RORA: variants seen among roughly 807,000 people sequenced by gnomAD.
RORA encodes the protein nuclear receptor ROR-alpha.
A neutral mutation model predicts 69.5 loss-of-function variants in RORA; 7 were observed. The observed-to-expected ratio is 0.10, with a 90% CI of 0.06 to 0.19. RORA has a LOEUF of 0.19. Among genes scored for constraint, RORA ranks in the 10% least tolerant of loss-of-function variants. RORA has a pLI of 1.00. For synonymous variants in RORA, 261 were observed against 240.8 expected, an observed-to-expected ratio of 1.08 and a Z score of -0.78; for missense variants, 457 against 663.0, an observed-to-expected ratio of 0.69 and a Z score of 3.41.
At chr15:61,084,263 T>C (rs958008708) in intron 1 of RORA, among the ~76,000 whole-genome samples, 1 of 152,204 alleles carries the variant, frequency 6.6e-6, no homozygotes, top group Non-Finnish European at 1.5e-5. Flanking sequence ...CTAGATCCCA[T>C]TAACCATGCT....
chr15:60,624,879 C>A (rs1207182296), intron 2 of RORA, among the ~76,000 whole-genome samples: 1 of 151,896 alleles, frequency 6.6e-6, no homozygotes, highest in East Asian at 1.9e-4. Context: ...ATTAGCAACC[C>A]CAGTATCATT....
intron 1 of RORA, among the ~76,000 whole-genome samples, chr15:60,811,456 T>G (rs2072741828): frequency 6.6e-6 from 1 of 152,348 alleles, no homozygotes; most frequent in African/African-American, 2.4e-5. Flanking sequence ...ACTATTCTTT[T>G]TGGTCTGTGG....
At chr15:61,132,961 C>G (rs1405060433) in intron 1 of RORA, among the ~76,000 whole-genome samples, 1 of 152,166 alleles carries the variant, frequency 6.6e-6, no homozygotes, top group Non-Finnish European at 1.5e-5. Context: ...GTTGTGAAAT[C>G]TGGCGGTTAA....
At chr15:60,811,951 T>C (rs1233068474) in intron 1 of RORA, among the ~76,000 whole-genome samples, 1 of 152,212 alleles carries the variant, frequency 6.6e-6, no homozygotes, top group Non-Finnish European at 1.5e-5. Context: ...ATTTTAACGG[T>C]GAAATGGCAA....
At position 61,128,682 on chromosome 15, in the gene RORA, G is replaced by C. The variant is rs1010241635; in HGVS notation, c.166+100371C>G. On this transcript the variant is annotated intron_variant, in intron 1 of 10. Coordinates refer to ENST00000335670, the MANE Select transcript of RORA (RefSeq NM_134261.3). This position sits in a 1 kb window ranked among gnomAD's most constrained non-coding sequence, Gnocchi z 4.5. Reference sequence around the variant, plus strand: ...CCAACTGCCAGGGACACATATGAATGCTGTGATATCTGTCAGGGAAGGGGA... The same window carrying C: ...CCAACTGCCAGGGACACATATGAATCCTGTGATATCTGTCAGGGAAGGGGA... Among the ~76,000 whole-genome samples, 3 of 152,206 alleles carry C rather than the reference G, an allele frequency of 2.0e-5. No homozygotes were observed. The highest frequency in any genetic ancestry group is 7.2e-5 in the African/African-American group (3 of 41,458).
intron 1 of RORA, among the ~76,000 whole-genome samples, chr15:61,119,383 G>T (rs1427428507): frequency 4.9e-5 from 2 of 40,860 alleles, no homozygotes; most frequent in Non-Finnish European, 1.3e-4. Context: ...ATTTTTTTTT[G>T]TATATGTATA....
intron 1 of RORA, among the ~76,000 whole-genome samples, chr15:60,896,161 T>C (rs1484662660): frequency 6.6e-6 from 1 of 152,208 alleles, no homozygotes; most frequent in East Asian, 1.9e-4. Flanking sequence ...TGTAAGCACT[T>C]AGAGACACTC....
At chr15:60,836,373 C>G (rs1479155342) in intron 1 of RORA, among the ~76,000 whole-genome samples, 1 of 152,106 alleles carries the variant, frequency 6.6e-6, no homozygotes, top group Non-Finnish European at 1.5e-5. Flanking sequence ...GATGTAAATT[C>G]AAGGACACTG....
chr15:60,838,743 T>G (rs1034775937), intron 1 of RORA, among the ~76,000 whole-genome samples: 1 of 152,056 alleles, frequency 6.6e-6, no homozygotes, highest in African/African-American at 2.4e-5. Flanking sequence ...AAAACTTCAG[T>G]GTCTTCTGGG....
At chr15:60,991,361 G>C (rs1894371056) in intron 1 of RORA, among the ~76,000 whole-genome samples, 1 of 152,204 alleles carries the variant, frequency 6.6e-6, no homozygotes, top group Admixed American at 6.5e-5. Flanking sequence ...GGTAAGGGGA[G>C]ACTCAAATGT....
In RORA at chr15:60,592,997, CGGTCACCCGCATTTCCTAGAGT is replaced by C. The variant is rs1214368569; in HGVS notation, c.197-61168_197-61147del. On this transcript the variant is annotated intron_variant, in intron 2 of 10. Transcript: ENST00000335670. ...AAGACAGGTTTGGTCTGGGGAGCTA[CGGTCACCCGCATTTCCTAGAGT>C]GCCCCAGCTCTAATCGGAAGGTACG... The C allele has an allele frequency of 1.8e-5, 8 of 452,300 alleles. 1 individual carries two copies. Among genetic ancestry groups the C allele is most frequent in the South Asian group, 1.3e-4 (8 of 63,680 alleles). The allele number at this position is 452,300 out of a possible 1,614,324, so 28.0% of individuals were successfully genotyped here.
chr15:61,228,502 C>T (rs1414306893), intron 1 of RORA, among the ~76,000 whole-genome samples: 1 of 151,644 alleles, frequency 6.6e-6, no homozygotes, highest in Non-Finnish European at 1.5e-5. Context: ...TCTCCACCCC[C>T]GGGACTTCCC....
intron 1 of RORA, among the ~76,000 whole-genome samples, chr15:61,185,024 A>AAAG (rs34851109): frequency 7.8e-6 from 1 of 128,676 alleles, no homozygotes; most frequent in Non-Finnish European, 1.6e-5. Flanking sequence ...GAAGAAGAAG[A>AAAG]AGGACTGTTA....
intron 1 of RORA, among the ~76,000 whole-genome samples, chr15:61,219,307 G>A (rs1011768997): frequency 3.3e-5 from 5 of 152,234 alleles, no homozygotes; most frequent in Non-Finnish European, 7.3e-5. Flanking sequence ...GGGTGTGGTG[G>A]CTCATGCCTG....
intron 1 of RORA, among the ~76,000 whole-genome samples, chr15:61,121,138 C>T (rs1566998969): frequency 1.3e-5 from 2 of 152,156 alleles, no homozygotes; most frequent in Non-Finnish European, 2.9e-5. Flanking sequence ...ACGTGGGCCA[C>T]CATGCCCAGC....
chr15:61,113,431 CT>C (rs2079024503), intron 1 of RORA, among the ~76,000 whole-genome samples: 1 of 152,130 alleles, frequency 6.6e-6, no homozygotes, highest in Non-Finnish European at 1.5e-5. Context: ...CATATGGGAG[CT>C]TCTTTACCTC....
intron 1 of RORA, among the ~76,000 whole-genome samples, chr15:61,090,048 G>T (rs1379746959): frequency 6.6e-6 from 1 of 152,218 alleles, no homozygotes; most frequent in East Asian, 1.9e-4. Context: ...CAAGCCCAGG[G>T]TTTTTGCCCA....
At chr15:60,688,265 A>G (rs2070775368) in intron 1 of RORA, among the ~76,000 whole-genome samples, 1 of 152,164 alleles carries the variant, frequency 6.6e-6, no homozygotes, top group Non-Finnish European at 1.5e-5. Context: ...AAAAGGAAAA[A>G]AAAATGTATA....
intron 1 of RORA, among the ~76,000 whole-genome samples, chr15:60,701,578 C>T (rs933460980): frequency 4.6e-5 from 7 of 152,178 alleles, no homozygotes; most frequent in Admixed American, 1.3e-4. Context: ...AATCACTCAC[C>T]GCAATATTTA....
Sources: allele counts gnomAD v4.1 joint callset (sites outside exome capture counted in the v4.1 genomes callset), GRCh38; gene constraint gnomAD v4.1.1; non-coding constraint Gnocchi (gnomAD v3.1); transcripts MANE v1.5; gene names NCBI Gene and HGNC (gene_info 2026-07-23, HGNC 2026-07-21).